Variants in CNOT2 observed in about 807,000 individuals in gnomAD.
CNOT2 encodes the protein CCR4-NOT transcription complex subunit 2.
Under a neutral mutation model 72.1 loss-of-function variants are expected in CNOT2, and 7 were observed. That is an observed-to-expected ratio of 0.10 (90% CI 0.06 to 0.18). The LOEUF is 0.18. Ranked by LOEUF, CNOT2 falls within the 10% of genes least tolerant of loss-of-function variation. CNOT2 has a pLI of 1.00. For missense variants in CNOT2, 345 were observed against 660.3 expected (o/e 0.52, Z 5.23); for synonymous variants, 196 against 225.6 (o/e 0.87, Z 1.17).
chr12:70,243,350 C>G (rs558990352), upstream of CNOT2: 1 of 152,706 alleles, frequency 6.5e-6, no homozygotes, highest in African/African-American at 2.4e-5. Flanking sequence ...TCCCACCTTC[C>G]GCTGCCGCCT....
intron 3 of CNOT2, among the ~76,000 whole-genome samples, chr12:70,317,655 G>C (rs185529353): frequency 9.5e-6 from 1 of 105,140 alleles, no homozygotes; most frequent in African/African-American, 3.8e-5. Flanking sequence ...CACTACTGTC[G>C]TATTAATATT....
chr12:70,323,587 A>T (rs1443406185), intron 4 of CNOT2: 1 of 151,746 alleles, frequency 6.6e-6, no homozygotes, highest in African/African-American at 2.4e-5. Context: ...CATTGAACAG[A>T]CTGTGAGTAA....
At chr12:70,319,161 GTTTGT>G in intron 3 of CNOT2, 132 bp from the exon 4 acceptor site, 2 of 570,092 alleles carry the variant, frequency 3.5e-6, no homozygotes, top group Non-Finnish European at 2.8e-6. Context: ...ATTATAGAAT[GTTTGT>G]TTTATGTTTT....
At chr12:70,287,604 C>G (rs1038414117) in intron 2 of CNOT2, among the ~76,000 whole-genome samples, 6 of 149,802 alleles carry the variant, frequency 4.0e-5, no homozygotes, top group Non-Finnish European at 7.4e-5. Context: ...TTGTTTCTCT[C>G]CATTAGATCA....
At chr12:70,338,131 C>G in intron 9 of CNOT2, 1 of 235,008 alleles carries the variant, frequency 4.3e-6, no homozygotes, top group Non-Finnish European at 8.2e-6. Context: ...AGTGTAACTT[C>G]AAGTGTATCC....
intron 1 of CNOT2, among the ~76,000 whole-genome samples, chr12:70,256,577 G>A (rs1469034478): frequency 2.4e-5 from 3 of 123,930 alleles, no homozygotes; most frequent in Admixed American, 1.8e-4. Flanking sequence ...AAGGAGACCT[G>A]TGGGTAAAAA....
intron 4 of CNOT2, chr12:70,322,029 A>C (rs1056478219): frequency 6.6e-5 from 10 of 151,792 alleles, no homozygotes; most frequent in African/African-American, 1.9e-4. Context: ...GAAACCAATG[A>C]ACATACTCTT....
chr12:70,250,068 C>G (rs1156468894), intron 1 of CNOT2, among the ~76,000 whole-genome samples: 1 of 152,076 alleles, frequency 6.6e-6, no homozygotes, highest in Non-Finnish European at 1.5e-5. Flanking sequence ...CTGAGATAGT[C>G]TTTAAAGTGT....
intron 1 of CNOT2, among the ~76,000 whole-genome samples, chr12:70,275,351 T>C (rs1593095614): frequency 6.6e-6 from 1 of 152,102 alleles, no homozygotes; most frequent in Non-Finnish European, 1.5e-5. Flanking sequence ...GTTTTTGTTA[T>C]TCTCTTTAGA....
At chr12:70,305,266 G>A (rs996820914) in intron 2 of CNOT2, among the ~76,000 whole-genome samples, 10 of 152,218 alleles carry the variant, frequency 6.6e-5, no homozygotes, top group African/African-American at 2.4e-4. Flanking sequence ...CGACACTCAT[G>A]CTGGGAGCTA....
intron 2 of CNOT2, among the ~76,000 whole-genome samples, chr12:70,305,054 C>T (rs1033423577): frequency 5.9e-5 from 9 of 152,218 alleles, no homozygotes; most frequent in Non-Finnish European, 1.3e-4. Flanking sequence ...ACCCGATTTT[C>T]CAGGTGCCAT....
chr12:70,263,355 T>C (rs1958869530), intron 1 of CNOT2, among the ~76,000 whole-genome samples: 2 of 152,184 alleles, frequency 1.3e-5, no homozygotes, highest in East Asian at 3.8e-4. Context: ...AATAGTATCC[T>C]ATGCTTTTTT....
intron 1 of CNOT2, among the ~76,000 whole-genome samples, chr12:70,256,204 T>C (rs1192601074): frequency 6.6e-6 from 1 of 152,164 alleles, no homozygotes; most frequent in African/African-American, 2.4e-5. Context: ...TGCTAAAATA[T>C]CAAGACAAGG....
At chr12:70,320,891 G>A (rs12313398) in intron 4 of CNOT2, among the ~76,000 whole-genome samples, 28,373 of 151,612 alleles carry the variant, frequency 0.19, 3,064 homozygotes, top group Admixed American at 0.33. Flanking sequence ...AATTTTTTTA[G>A]CCTACAAATC....
intron 13 of CNOT2, chr12:70,343,830 T>G: frequency 3.8e-5 from 9 of 239,266 alleles, no homozygotes; most frequent in East Asian, 8.9e-5. Context: ...CTTTTCCCCA[T>G]TGGGTATTAA....
chr12:70,289,056 C>T (rs780412787), intron 2 of CNOT2, among the ~76,000 whole-genome samples: 25 of 150,898 alleles, frequency 1.7e-4, no homozygotes, highest in Admixed American at 1.1e-3. Flanking sequence ...TTTTCTTGCT[C>T]ACTTCTCTTC....
chr12:70,255,112 T>C (rs758273639), intron 1 of CNOT2, among the ~76,000 whole-genome samples: 1 of 152,074 alleles, frequency 6.6e-6, no homozygotes, highest in Non-Finnish European at 1.5e-5. Flanking sequence ...GGCCAGTTAA[T>C]TGAGTATTTT....
intron 4 of CNOT2, chr12:70,327,396 A>T (rs7301755): frequency 6.6e-6 from 1 of 151,730 alleles, no homozygotes; most frequent in Non-Finnish European, 1.5e-5. Flanking sequence ...GCACTCACAG[A>T]GGTGCTAATC....
intron 9 of CNOT2, 84 bp from the exon 10 acceptor site, chr12:70,338,359 A>C (rs1190722598): frequency 7.0e-6 from 8 of 1,137,024 alleles, no homozygotes; most frequent in Non-Finnish European, 7.5e-6. Context: ...TGTAATAAAG[A>C]ATAAATAGCA....
Sources: gnomAD v4.1 joint callset for allele counts (sites outside exome capture counted in the v4.1 genomes callset) on GRCh38, gnomAD v4.1.1 for gene constraint, MANE v1.5 for transcripts, NCBI Gene and HGNC (gene_info 2026-07-23, HGNC 2026-07-21) for gene names.